The following SMARCAL1 variants were observed in gnomAD, a reference collection of about 807,000 sequenced individuals.
SMARCAL1 encodes the protein SNF2 related chromatin remodeling annealing helicase 1, also known as ATP-driven annealing helicase.
In SMARCAL1, 58 loss-of-function variants were observed where a neutral mutation model predicts 94.5. The observed-to-expected ratio is 0.61, with a 90% confidence interval of 0.50 to 0.76. The LOEUF is 0.76. Ranked by LOEUF, SMARCAL1 falls within the 30% of genes least tolerant of loss-of-function variation. The probability of loss-of-function intolerance (pLI) is 0.00; values close to 1 mark genes in which losing one functional copy is unlikely to be tolerated. For missense variants in SMARCAL1, 1,051 were observed against 1,177.9 expected (o/e 0.89, Z 1.58); for synonymous variants, 422 against 455.1 (o/e 0.93, Z 0.93).
At position 216,432,739 on chromosome 2, in the gene SMARCAL1, C is replaced by T; in HGVS notation, c.1356C>T (p.Gly452=). ...TCAGTTTTGCCATAGCCAAAGGAGG[C>T]CGCCTGCTGCTCGCTGACGACATGG... ...AGVNFAIAKG[G]RLLLADDMGL... Residue 452 remains glycine, a synonymous_variant, in exon 8 of 18, where the codon GGC becomes GGT. Transcript: ENST00000357276. 3 of 1,614,152 alleles carry T rather than the reference C, an allele frequency of 1.9e-6. No individual in the cohort carries two copies. The highest frequency in any genetic ancestry group is 2.5e-6 in the Non-Finnish European group (3 of 1,180,038).
intron 12 of SMARCAL1, among the ~76,000 whole-genome samples, chr2:216,452,340 C>T (rs558331879): frequency 3.1e-4 from 47 of 152,146 alleles, no homozygotes; most frequent in South Asian, 6.2e-4. Flanking sequence ...GAAGTTTTTT[C>T]TTATAACTTT....
intron 10 of SMARCAL1, among the ~76,000 whole-genome samples, chr2:216,441,472 T>A (rs572756271): frequency 1.3e-5 from 2 of 152,344 alleles, no homozygotes; most frequent in East Asian, 1.9e-4. Flanking sequence ...AAGCCACTGT[T>A]AACAGCTTAT....
chr2:216,433,623 C>T (rs961093655), intron 8 of SMARCAL1, among the ~76,000 whole-genome samples: 1 of 152,054 alleles, frequency 6.6e-6, no homozygotes, highest in Non-Finnish European at 1.5e-5. Flanking sequence ...TCACTGTCTG[C>T]CAGGTAGCTT....
chr2:216,431,875 C>T (rs980211139), intron 7 of SMARCAL1, among the ~76,000 whole-genome samples: 5 of 152,182 alleles, frequency 3.3e-5, no homozygotes, highest in Non-Finnish European at 7.3e-5. Context: ...AGCACCCTTC[C>T]TCCCATCCTT....
At chr2:216,449,367 G>A (rs1031464086) in intron 11 of SMARCAL1, among the ~76,000 whole-genome samples, 1 of 151,202 alleles carries the variant, frequency 6.6e-6, no homozygotes, top group African/African-American at 2.4e-5. Flanking sequence ...CAATCCATAA[G>A]CCAGGGCTGC....
chr2:216,462,971 AC>A (rs1399544101), intron 12 of SMARCAL1, among the ~76,000 whole-genome samples: 1 of 152,150 alleles, frequency 6.6e-6, no homozygotes, highest in African/African-American at 2.4e-5. Context: ...ACAGAGCATG[AC>A]CCTGTCTCAA....
intron 12 of SMARCAL1, 123 bp from the exon 13 acceptor site, chr2:216,464,474 G>T: frequency 1.3e-6 from 1 of 799,640 alleles, no homozygotes; most frequent in Non-Finnish European, 2.2e-6. Flanking sequence ...TCAGCACCAG[G>T]GTCTCCTGAC....
At chr2:216,444,623 G>A (rs1312632516) in intron 10 of SMARCAL1, among the ~76,000 whole-genome samples, 5 of 152,196 alleles carry the variant, frequency 3.3e-5, no homozygotes, top group African/African-American at 1.2e-4. Context: ...CTGTTCAAGT[G>A]ATTCCCTGCG....
At chr2:216,478,328 T>A in intron 17 of SMARCAL1, 29 bp downstream of exon 17, 1 of 1,531,492 alleles carries the variant, frequency 6.5e-7, no homozygotes, top group Non-Finnish European at 9.0e-7. Flanking sequence ...TCTTCACCCC[T>A]GGAGCAGAGG....
chr2:216,456,315 C>T (rs1413861631), intron 12 of SMARCAL1, among the ~76,000 whole-genome samples: 1 of 152,150 alleles, frequency 6.6e-6, no homozygotes, highest in Non-Finnish European at 1.5e-5. Context: ...GCAAGGCAGG[C>T]CAACATTCAA....
At chr2:216,468,386 T>C (rs1459899307) in intron 14 of SMARCAL1, among the ~76,000 whole-genome samples, 1 of 152,226 alleles carries the variant, frequency 6.6e-6, no homozygotes, top group Non-Finnish European at 1.5e-5. Flanking sequence ...AGTATTTATG[T>C]GAATGTTTTC....
chr2:216,420,232 C>T (rs1693686909), intron 4 of SMARCAL1, 67 bp from the exon 5 acceptor site: 5 of 1,305,050 alleles, frequency 3.8e-6, no homozygotes, highest in Non-Finnish European at 5.4e-6. Flanking sequence ...CTTCCCTTGC[C>T]TGTATTTCAA....
chr2:216,458,983 AG>A (rs1694635779), intron 12 of SMARCAL1, among the ~76,000 whole-genome samples: 1 of 152,210 alleles, frequency 6.6e-6, no homozygotes, highest in South Asian at 2.1e-4. Context: ...ACTTCAGCAA[AG>A]TCTCAGGATA....
At chr2:216,481,028 A>G (rs1240882916) in intron 17 of SMARCAL1, among the ~76,000 whole-genome samples, 2 of 152,060 alleles carry the variant, frequency 1.3e-5, no homozygotes, top group Admixed American at 1.3e-4. Flanking sequence ...GGAGGGAACT[A>G]ATGGGGGGAA....
At chr2:216,477,915 T>A (rs1416796797) in intron 16 of SMARCAL1, among the ~76,000 whole-genome samples, 1 of 152,188 alleles carries the variant, frequency 6.6e-6, no homozygotes, top group African/African-American at 2.4e-5. Flanking sequence ...GGGCAGCTCA[T>A]AATACCACCA....
At chr2:216,459,699 G>A (rs989026102) in intron 12 of SMARCAL1, among the ~76,000 whole-genome samples, 2 of 151,992 alleles carry the variant, frequency 1.3e-5, no homozygotes, top group African/African-American at 4.8e-5. Flanking sequence ...ATGGATTAAA[G>A]ACTTAAATGT....
rs1302790588 is a variant in SMARCAL1 at position 216,435,347 on chromosome 2, C to T, written c.1495C>T (p.Arg499Trp). Residue 499 changes from arginine to tryptophan, a missense_variant, in exon 9 of 18, where the codon CGG becomes TGG. Transcript: ENST00000357276. ...VRFTWEQAFL[R>W]WLPSLSPDCI... ...CTCCTGTCATCCACAGGCCTTCCTT[C>T]GGTGGCTGCCATCTCTGAGCCCAGA... 6 of 1,614,098 alleles carry T rather than the reference C, an allele frequency of 3.7e-6. No individual in the cohort carries two copies. The East Asian group carries it at 6.7e-5, about 18-fold the overall frequency.
chr2:216,451,041 G>A lies in SMARCAL1; in HGVS notation c.2047G>A (p.Glu683Lys), dbSNP rs182225676. 2.5e-6 allele frequency: 4 copies of A among 1,614,148 alleles called. No individual in the cohort carries two copies. The highest frequency in any genetic ancestry group is 3.4e-6 in the Non-Finnish European group (4 of 1,180,006). ...TRAALDAAAKEMTTKDKTKQQ... is the reference protein window; with the variant it reads ...TRAALDAAAKKMTTKDKTKQQ... ...AGCTGCCCTGGATGCTGCAGCCAAG[G>A]AAATGACCACCAAGGACAAAACTGT... The change falls in exon 12 of 18, where the codon GAA becomes AAA. Residue 683 changes from glutamate (E) to lysine (K), a missense_variant. Physicochemically the swap from Glu to Lys is moderately conservative, Grantham distance 56. Coordinates refer to ENST00000357276, the MANE Select transcript of SMARCAL1 (RefSeq NM_014140.4).
intron 12 of SMARCAL1, among the ~76,000 whole-genome samples, chr2:216,462,880 C>A (rs1055327753): frequency 1.3e-5 from 2 of 151,498 alleles, no homozygotes; most frequent in African/African-American, 4.9e-5. Context: ...GTCCCAGTTA[C>A]TTGGGAGGCT....
Sources: gnomAD v4.1 joint callset for allele counts (sites outside exome capture counted in the v4.1 genomes callset) on GRCh38, gnomAD v4.1.1 for gene constraint, MANE v1.5 for transcripts, NCBI Gene and HGNC (gene_info 2026-07-23, HGNC 2026-07-21) for gene names.